PDE6B: variants seen among roughly 807,000 people sequenced by gnomAD.
PDE6B encodes rod cGMP-specific 3',5'-cyclic phosphodiesterase subunit beta.
A neutral mutation model predicts 109.0 loss-of-function variants in PDE6B; 106 were observed. That is an observed-to-expected ratio of 0.97 (90% CI 0.83 to 1.14). PDE6B has a LOEUF of 1.14. Among genes scored for constraint, PDE6B ranks in the 50% most tolerant of loss-of-function variants. PDE6B has a pLI of 0.00. For missense variants in PDE6B, 1,193 were observed against 1,155.6 expected (o/e 1.03, Z -0.47); for synonymous variants, 490 against 471.3 (o/e 1.04, Z -0.51).
At position 625,890 on chromosome 4, in the gene PDE6B, G is replaced by A; in HGVS notation, c.264G>A (p.Gln88=). 1 of 1,605,092 alleles carries A rather than the reference G, an allele frequency of 6.2e-7. No individual in the cohort carries two copies. The highest frequency in any genetic ancestry group is 8.5e-7 in the Non-Finnish European group (1 of 1,176,634). ...KVLRRLCTLL[Q]ADRCSLFMYR... is the part of the protein sequence containing the mutation. ...TGCGGCGCCTCTGCACCCTCCTGCA[G>A]GCCGACCGCTGCAGCCTCTTCATGT... The change falls in exon 1 of 22, where the codon CAG becomes CAA. Residue 88 remains glutamine, a synonymous_variant. Coordinates refer to ENST00000496514, the MANE Select transcript of PDE6B (RefSeq NM_000283.4). The surrounding 1 kb of genome is among the most constrained non-coding windows in gnomAD (Gnocchi z 5.0).
At chr4:645,266 A>C (rs192438931) in intron 3 of PDE6B, among the ~76,000 whole-genome samples, 11 of 150,312 alleles carry the variant, frequency 7.3e-5, no homozygotes, top group Admixed American at 7.3e-4. Flanking sequence ...AAAATCTGTC[A>C]AGTGGTGTAT....
chr4:626,079 C>G lies in PDE6B; in HGVS notation c.453C>G (p.Val151=). 6.3e-7 allele frequency: 1 copy of G among 1,585,764 alleles called. No individual in the cohort carries two copies. Among genetic ancestry groups the G allele is most frequent in the Middle Eastern group, 1.7e-4 (1 of 5,754 alleles). The change falls in exon 1 of 22, where the codon GTC becomes GTG. Residue 151 remains valine, a synonymous_variant. Transcript: ENST00000496514. This position sits in a 1 kb window ranked among gnomAD's most constrained non-coding sequence, Gnocchi z 4.6. ...HVAQTKKMVN[V]EDVAECPHFS... ...CTCAGACCAAAAAGATGGTGAACGT[C>G]GAGGACGTGGCCGAGGTGGGTCTGT... is the stretch of plus-strand genomic sequence containing the variant.
rs947406658 is a variant in PDE6B, at chr4:663,024, A to C, written c.1833-76A>C. The C allele has an allele frequency of 4.7e-6, 4 of 854,860 alleles. No individual in the cohort carries two copies. Among genetic ancestry groups the C allele is most frequent in the Admixed American group, 3.4e-5 (2 of 58,714 alleles). 53.0% of individuals were successfully genotyped at this position (854,860 alleles called of 1,614,324 possible). A position where few individuals can be genotyped will look rare whatever the true frequency, so the allele number is the denominator to read the frequency against. On this transcript the variant is annotated intron_variant, in intron 14 of 21. Transcript: ENST00000496514. The surrounding 1 kb of genome is among the most constrained non-coding windows in gnomAD (Gnocchi z 4.0). ...TCTCAAAAAAAAGAAAGTGGGGCCC[A>C]TCTGGGGGGGCTGCAGAGCGCAGGG...
chr4:643,045 C>T (rs1270150956), intron 3 of PDE6B, among the ~76,000 whole-genome samples: 2 of 152,104 alleles, frequency 1.3e-5, no homozygotes, highest in Non-Finnish European at 2.9e-5. Flanking sequence ...TGTGGTGGCT[C>T]ACACCTATAA....
chr4:651,224 G>C (rs1386081902), intron 3 of PDE6B, among the ~76,000 whole-genome samples: 2 of 148,068 alleles, frequency 1.4e-5, no homozygotes, highest in Non-Finnish European at 3.0e-5. Flanking sequence ...GATGTCAACG[G>C]CAGTGGGGCC....
intron 20 of PDE6B, among the ~76,000 whole-genome samples, chr4:667,256 G>T (rs1215107648): frequency 6.6e-6 from 1 of 152,122 alleles, no homozygotes; most frequent in Non-Finnish European, 1.5e-5. Context: ...AGGATGCCAC[G>T]GGTTCCACAT....
chr4:654,739 G>T (rs1368128985), intron 5 of PDE6B, 85 bp from the exon 6 acceptor site: 2 of 819,880 alleles, frequency 2.4e-6, no homozygotes, highest in Non-Finnish European at 4.4e-6. Flanking sequence ...GTGGCTGTGT[G>T]TAGCTGCATG....
intron 11 of PDE6B, among the ~76,000 whole-genome samples, chr4:659,459 ATG>A (rs899596048): frequency 3.3e-5 from 5 of 152,168 alleles, no homozygotes; most frequent in Admixed American, 6.5e-5. Context: ...GTCTGTGTGC[ATG>A]TGTGTGCACA....
At chr4:656,099 C>A in intron 7 of PDE6B, 93 bp downstream of exon 7, 1 of 1,036,386 alleles carries the variant, frequency 9.6e-7, no homozygotes, top group South Asian at 1.3e-5. Context: ...TCCCGCCCTC[C>A]CGGCCAGCTC....
Position 649,629 on chromosome 4 carries a change from G to A in PDE6B, c.712-4223G>A, listed in dbSNP as rs751158173. Among the ~76,000 whole-genome samples, 8 of 149,548 alleles carry A rather than the reference G, an allele frequency of 5.3e-5. No homozygotes were observed. The East Asian group carries it at 5.8e-4, about 11-fold the overall frequency. On this transcript the variant is annotated intron_variant, in intron 3 of 21. Transcript: ENST00000496514. ...CCACAAAGGCCTGGGAAGACTGTTC[G>A]CTGGTGGACCCACAGAGGCCTGGGA... is the stretch of plus-strand genomic sequence containing the variant.
At chr4:650,019 G>A (rs1735418448) in intron 3 of PDE6B, among the ~76,000 whole-genome samples, 1 of 152,192 alleles carries the variant, frequency 6.6e-6, no homozygotes, top group Admixed American at 6.5e-5. Flanking sequence ...AATGCAGGAG[G>A]GACACAACCT....
rs1399736418 is a variant in PDE6B, at chr4:670,049, GCA to G, written c.2510_2511del (p.Thr837ArgfsTer54). The G allele has an allele frequency of 1.1e-5, 18 of 1,612,356 alleles. 1 individual carries two copies. Among genetic ancestry groups the G allele is most frequent in the Non-Finnish European group, 1.4e-5 (16 of 1,179,048 alleles). On this transcript the variant is annotated frameshift_variant, in exon 22 of 22. Coordinates refer to ENST00000496514, the MANE Select transcript of PDE6B (RefSeq NM_000283.4). LOFTEE classifies it high-confidence loss of function. ...CATCTTCTGTCTTCTCTTGCAGTAG[GCA>G]CAGAAATTTGCAATGGCGGCCCAGC...
At chr4:657,642 G>A (rs1736465506) in intron 10 of PDE6B, 148 bp downstream of exon 10, 1 of 791,810 alleles carries the variant, frequency 1.3e-6, no homozygotes, top group Non-Finnish European at 2.1e-6. Flanking sequence ...GTGCGGTGGG[G>A]GCAGGTCGTC....
intron 6 of PDE6B, chr4:655,107 G>T (rs138310603): frequency 3.4e-6 from 2 of 594,576 alleles, no homozygotes; most frequent in Non-Finnish European, 6.1e-6. Flanking sequence ...TGAGGAGGAC[G>T]TGGGCTGCTG....
At chr4:659,621 A>T (rs554693094) in intron 11 of PDE6B, among the ~76,000 whole-genome samples, 4 of 148,770 alleles carry the variant, frequency 2.7e-5, no homozygotes, top group African/African-American at 1.0e-4. Context: ...GCATTGTATG[A>T]ATGTGCACAT....
chr4:663,244 G>A lies in PDE6B; in HGVS notation c.1920+57G>A, dbSNP rs189921748. The A allele has an allele frequency of 1.2e-3, 1,186 of 981,558 alleles. 8 individuals are homozygous for A. The African/African-American group carries it at 0.016, about 13-fold the overall frequency. The allele number at this position is 981,558 out of a possible 1,614,324, so 60.8% of individuals were successfully genotyped here. A position where few individuals can be genotyped will look rare whatever the true frequency, so the allele number is the denominator to read the frequency against. ...GGCGCTGGGGACGCAGCGTCCGCAG[G>A]ACGGCAGGGCCGTATCCTGCGGAGC... is the stretch of plus-strand genomic sequence containing the variant. On this transcript the variant is annotated intron_variant, in intron 15 of 21. Coordinates refer to ENST00000496514, the MANE Select transcript of PDE6B (RefSeq NM_000283.4). The surrounding 1 kb of genome is among the most constrained non-coding windows in gnomAD (Gnocchi z 4.0).
At chr4:664,026 C>A in intron 16 of PDE6B, 88 bp from the exon 17 acceptor site, 1 of 1,168,850 alleles carries the variant, frequency 8.6e-7, no homozygotes, top group Non-Finnish European at 1.3e-6. Context: ...GGGCCTCGCT[C>A]GGGCTCCGCG....
chr4:661,080 T>C (rs1737050316), intron 12 of PDE6B: 1 of 165,870 alleles, frequency 6.0e-6, no homozygotes, highest in East Asian at 1.7e-4. Context: ...GATAAGTGAA[T>C]GGATAGGTGG....
chr4:651,199 AG>A (rs575152795), intron 3 of PDE6B, among the ~76,000 whole-genome samples: 66 of 147,006 alleles, frequency 4.5e-4, no homozygotes, highest in African/African-American at 1.6e-3. Context: ...CAGGCGGGGC[AG>A]GGGCTGAGGC....
Sources: gnomAD v4.1 joint callset for allele counts (sites outside exome capture counted in the v4.1 genomes callset) on GRCh38, gnomAD v4.1.1 for gene constraint, Gnocchi (gnomAD v3.1) non-coding constraint, MANE v1.5 for transcripts, NCBI Gene and HGNC (gene_info 2026-07-23, HGNC 2026-07-21) for gene names.